Variants in DRG1 observed in about 807,000 individuals in gnomAD.
DRG1 encodes developmentally-regulated GTP-binding protein 1.
Under a neutral mutation model 38.8 loss-of-function variants are expected in DRG1, and 19 were observed. That is an observed-to-expected ratio of 0.49 (90% CI 0.34 to 0.72). The LOEUF (loss-of-function observed/expected upper bound fraction) is 0.72, where lower values mean the gene tolerates loss of function less well. DRG1 is among the 30% of genes least tolerant of loss of function. The pLI is 0.01. For synonymous variants in DRG1, 167 were observed against 157.5 expected, an observed-to-expected ratio of 1.06 and a Z score of -0.45; for missense variants, 299 against 444.8, an observed-to-expected ratio of 0.67 and a Z score of 2.95.
intron 8 of DRG1, among the ~76,000 whole-genome samples, chr22:31,433,494 C>T (rs762941676): frequency 6.8e-4 from 104 of 152,200 alleles, no homozygotes; most frequent in Non-Finnish European, 1.6e-4. Flanking sequence ...TTTTCTTGAA[C>T]GCCTGATCTC....
intron 4 of DRG1, among the ~76,000 whole-genome samples, chr22:31,413,245 C>T (rs925755597): frequency 5.3e-5 from 8 of 152,068 alleles, no homozygotes; most frequent in South Asian, 4.1e-4. Flanking sequence ...ACTACAGGCA[C>T]GCAACACCGT....
rs371642177 is a variant in DRG1 at position 31,419,133 on chromosome 22, A to G, written c.413-1123A>G. On this transcript the variant is annotated intron_variant, in intron 4 of 8. Coordinates refer to ENST00000331457, the MANE Select transcript of DRG1 (RefSeq NM_004147.4). ...CCCAGCTGGAAGCAGGATTTTTGAC[A>G]AATGAATTTTAATATAGAAAAAGGC... Among the ~76,000 whole-genome samples the G allele has an allele frequency of 3.3e-5, 5 of 151,990 alleles. No homozygotes were observed. In the South Asian group the frequency reaches 1.0e-3, roughly 32 times the overall value.
intron 3 of DRG1, 132 bp from the exon 4 acceptor site, chr22:31,410,880 C>T (rs1043477286): frequency 7.0e-6 from 6 of 859,342 alleles, no homozygotes; most frequent in Non-Finnish European, 5.3e-6. Flanking sequence ...TTCACACACT[C>T]GCTTATAAGG....
chr22:31,407,714 AT>A (rs2049996770), intron 3 of DRG1, among the ~76,000 whole-genome samples: 2 of 145,614 alleles, frequency 1.4e-5, no homozygotes, highest in Admixed American at 1.4e-4. Flanking sequence ...ACGTTCTTGA[AT>A]GGAGAAGTTG....
intron 4 of DRG1, among the ~76,000 whole-genome samples, chr22:31,412,475 T>G (rs915563450): frequency 2.0e-5 from 3 of 148,546 alleles, no homozygotes; most frequent in Admixed American, 1.4e-4. Flanking sequence ...CTCAGCCTCC[T>G]GAGTAGCTGG....
intron 8 of DRG1, among the ~76,000 whole-genome samples, chr22:31,433,334 G>C (rs1299411666): frequency 6.9e-6 from 1 of 144,962 alleles, no homozygotes; most frequent in African/African-American, 2.6e-5. Flanking sequence ...GCAACGGCAT[G>C]ATCTTGGCTC....
Position 31,410,816 on chromosome 22 carries a change from C to CA in DRG1, c.343-184dup, listed in dbSNP as rs201082892. 1.0e-3 allele frequency among the ~76,000 whole-genome samples: 135 copies of CA among 128,972 alleles called. 1 individual carries two copies. Among genetic ancestry groups the CA allele is most frequent in the South Asian group, 2.5e-3 (10 of 4,062 alleles). The allele number at this position is 128,972 out of a possible 152,430, so 84.6% of individuals were successfully genotyped here. On this transcript the variant is annotated intron_variant, in intron 3 of 8. Coordinates refer to ENST00000331457, the MANE Select transcript of DRG1 (RefSeq NM_004147.4). ...GGCAAAAAGCATGAAACTCCATCTCCAAAAAAAAAAAAGCCTGTAGCTGAC... is the reference window on the plus strand; with the variant it reads ...GGCAAAAAGCATGAAACTCCATCTCCAAAAAAAAAAAAAGCCTGTAGCTGAC...
chr22:31,417,409 G>C (rs189599815), intron 4 of DRG1, among the ~76,000 whole-genome samples: 1 of 151,844 alleles, frequency 6.6e-6, no homozygotes, highest in East Asian at 1.9e-4. Flanking sequence ...TGGCTGCTTG[G>C]TGGCTCATGC....
chr22:31,423,251 C>A (rs1439169006), intron 5 of DRG1, 29 bp from the exon 6 acceptor site: 7 of 1,609,062 alleles, frequency 4.4e-6, no homozygotes, highest in Non-Finnish European at 5.9e-6. Context: ...AAATTTTGTG[C>A]TGACTAGTCA....
chr22:31,417,876 G>A (rs1172954390), intron 4 of DRG1, among the ~76,000 whole-genome samples: 1 of 151,354 alleles, frequency 6.6e-6, no homozygotes, highest in Admixed American at 6.6e-5. Flanking sequence ...TGTAATCCCA[G>A]CTACTTGGGA....
chr22:31,412,512 G>A (rs1200436764), intron 4 of DRG1, among the ~76,000 whole-genome samples: 1 of 150,750 alleles, frequency 6.6e-6, no homozygotes, highest in African/African-American at 2.4e-5. Flanking sequence ...CACCATGCAC[G>A]GCTATTTTTT....
intron 6 of DRG1, among the ~76,000 whole-genome samples, chr22:31,425,192 TCA>T (rs1260335241): frequency 2.0e-5 from 3 of 152,136 alleles, no homozygotes; most frequent in African/African-American, 4.8e-5. Context: ...ATTCCCCATT[TCA>T]GTTTTTTTCT....
chr22:31,402,874 GT>G (rs1176676722), intron 2 of DRG1, among the ~76,000 whole-genome samples, 154 bp from the exon 3 acceptor site: 1 of 152,042 alleles, frequency 6.6e-6, no homozygotes, highest in Non-Finnish European at 1.5e-5. Flanking sequence ...GTGCCCTCAA[GT>G]TTTGTGTGCT....
intron 4 of DRG1, among the ~76,000 whole-genome samples, chr22:31,411,442 C>G (rs2050017508): frequency 6.6e-6 from 1 of 151,664 alleles, no homozygotes; most frequent in African/African-American, 2.4e-5. Flanking sequence ...GAGGCAGTGT[C>G]TACTTTTTTG....
At chr22:31,426,535 G>T (rs771368673) in intron 6 of DRG1, 80 bp from the exon 7 acceptor site, 1 of 1,319,876 alleles carries the variant, frequency 7.6e-7, no homozygotes, top group Non-Finnish European at 1.0e-6. Context: ...TTGGGTCTGG[G>T]TGAGGGTGTG....
chr22:31,421,858 T>C (rs2050078769), intron 5 of DRG1, among the ~76,000 whole-genome samples: 1 of 152,142 alleles, frequency 6.6e-6, no homozygotes, highest in Admixed American at 6.6e-5. Context: ...GGCTCACACC[T>C]GTAATCCCAG....
chr22:31,406,718 C>T (rs998631085), intron 3 of DRG1, among the ~76,000 whole-genome samples: 2 of 151,886 alleles, frequency 1.3e-5, no homozygotes, highest in African/African-American at 2.4e-5. Flanking sequence ...AAAGAGTTCT[C>T]GTATCACTTG....
chr22:31,430,894 T>A (rs1478314793), intron 8 of DRG1, among the ~76,000 whole-genome samples: 16 of 151,738 alleles, frequency 1.1e-4, no homozygotes, highest in Non-Finnish European at 2.2e-4. Context: ...ATTTTTTTTT[T>A]ATTTGTAGAG....
At chr22:31,399,974 A>G (rs1387282176) in intron 1 of DRG1, among the ~76,000 whole-genome samples, 3 of 151,642 alleles carry the variant, frequency 2.0e-5, no homozygotes, top group Non-Finnish European at 2.9e-5. Context: ...CGCGTTCCGC[A>G]CCCCTGCACC....
Sources: gnomAD v4.1 joint callset for allele counts (sites outside exome capture counted in the v4.1 genomes callset) on GRCh38, gnomAD v4.1.1 for gene constraint, MANE v1.5 for transcripts, NCBI Gene and HGNC (gene_info 2026-07-23, HGNC 2026-07-21) for gene names.